The following PDE3A variants were observed in gnomAD, a reference collection of about 807,000 sequenced individuals.
The protein encoded by PDE3A is cGMP-inhibited 3',5'-cyclic phosphodiesterase 3A.
PDE3A carries 43 observed loss-of-function variants against 98.3 expected under a neutral mutation model. The observed-to-expected ratio is 0.44, with a 90% CI of 0.34 to 0.56. The LOEUF (loss-of-function observed/expected upper bound fraction) is 0.56. Ranked by LOEUF, PDE3A falls within the 20% of genes least tolerant of loss-of-function variation. The pLI is 0.01. For missense variants in PDE3A, 1,427 were observed against 1,440.7 expected (o/e 0.99, Z 0.15); for synonymous variants, 663 against 567.9 (o/e 1.17, Z -2.38).
intron 1 of PDE3A, among the ~76,000 whole-genome samples, chr12:20,512,531 A>G (rs1231838876): frequency 6.6e-6 from 1 of 152,074 alleles, no homozygotes; most frequent in African/African-American, 2.4e-5. Context: ...ATCAGGTAAA[A>G]TAGTCAACAT....
chr12:20,615,763 T>C (rs536041077), intron 3 of PDE3A, among the ~76,000 whole-genome samples: 4 of 152,278 alleles, frequency 2.6e-5, no homozygotes, highest in Admixed American at 6.5e-5. Flanking sequence ...TCTGCTCTTG[T>C]CACCCAGGCT....
At chr12:20,652,969 T>G (rs1944957106) in intron 14 of PDE3A, among the ~76,000 whole-genome samples, 1 of 152,204 alleles carries the variant, frequency 6.6e-6, no homozygotes, top group African/African-American at 2.4e-5. Flanking sequence ...ATGGGATTAA[T>G]TCATAAATCT....
chr12:20,395,461 A>C (rs1447395487), intron 1 of PDE3A, among the ~76,000 whole-genome samples: 1 of 142,126 alleles, frequency 7.0e-6, no homozygotes, highest in Non-Finnish European at 1.5e-5. Context: ...ACATAGTATT[A>C]TATATGTATA....
intron 1 of PDE3A, among the ~76,000 whole-genome samples, chr12:20,488,088 C>T (rs1006790156): frequency 6.6e-6 from 1 of 152,002 alleles, no homozygotes; most frequent in Non-Finnish European, 1.5e-5. Flanking sequence ...CACTTAAAAC[C>T]AAATAAAACA....
At chr12:20,534,144 T>C (rs1941694092) in intron 1 of PDE3A, among the ~76,000 whole-genome samples, 1 of 152,174 alleles carries the variant, frequency 6.6e-6, no homozygotes, top group African/African-American at 2.4e-5. Context: ...ACAGATACTT[T>C]AAGGGTTATG....
intron 1 of PDE3A, among the ~76,000 whole-genome samples, chr12:20,481,093 G>T (rs1945615923): frequency 6.6e-6 from 1 of 152,192 alleles, no homozygotes; most frequent in African/African-American, 2.4e-5. Flanking sequence ...CAAAAATAAT[G>T]TTGTTGTTTC....
chr12:20,554,926 C>A (rs543330093), intron 1 of PDE3A, among the ~76,000 whole-genome samples: 1 of 152,288 alleles, frequency 6.6e-6, no homozygotes, highest in Non-Finnish European at 1.5e-5. Context: ...CATTCATTTG[C>A]ATTTTTAATG....
At chr12:20,476,404 A>G (rs191248370) in intron 1 of PDE3A, among the ~76,000 whole-genome samples, 3 of 152,346 alleles carry the variant, frequency 2.0e-5, no homozygotes, top group Admixed American at 6.5e-5. Context: ...TTATGATCTT[A>G]ATAAGTAGAG....
intron 5 of PDE3A, among the ~76,000 whole-genome samples, chr12:20,627,702 CTT>C (rs1162925090): frequency 6.6e-6 from 1 of 152,038 alleles, no homozygotes; most frequent in Non-Finnish European, 1.5e-5. Context: ...TTTTTATTGA[CTT>C]TAGTTTTTAG....
At chr12:20,456,784 G>C (rs1260200591) in intron 1 of PDE3A, among the ~76,000 whole-genome samples, 1 of 152,098 alleles carries the variant, frequency 6.6e-6, no homozygotes, top group Non-Finnish European at 1.5e-5. Context: ...TTACAGAATA[G>C]CACTTGATGA....
rs888745235 is a variant in PDE3A at position 20,552,462 on chromosome 12, C to T, written c.961-4198C>T. 14 of 1,612,522 alleles carry T rather than the reference C, an allele frequency of 8.7e-6. No homozygotes were observed. In the African/African-American group the frequency reaches 1.6e-4, roughly 18 times the overall value. Reference sequence around the variant, plus strand: ...TGACCATGCAGTATCCAGAAGGCTACCTGGAAGCCCTGGCCAACCGAGAGC... The same window carrying T: ...TGACCATGCAGTATCCAGAAGGCTATCTGGAAGCCCTGGCCAACCGAGAGC... On this transcript the variant is annotated intron_variant, in intron 1 of 15. Transcript: ENST00000359062. This position sits in a 1 kb window ranked among gnomAD's most constrained non-coding sequence, Gnocchi z 5.1.
At chr12:20,573,613 T>C (rs1942855789) in intron 2 of PDE3A, among the ~76,000 whole-genome samples, 1 of 152,112 alleles carries the variant, frequency 6.6e-6, no homozygotes, top group Non-Finnish European at 1.5e-5. Flanking sequence ...GTCTCTTCTG[T>C]GCTATATTCC....
chr12:20,597,440 T>C (rs925106299), intron 2 of PDE3A, among the ~76,000 whole-genome samples: 6 of 152,220 alleles, frequency 3.9e-5, no homozygotes, highest in Admixed American at 3.3e-4. Flanking sequence ...GTATGTTTGC[T>C]ATCTGTCTTT....
chr12:20,645,875 C>A lies in PDE3A; in HGVS notation c.2252-615C>A, dbSNP rs9669286. On this transcript the variant is annotated intron_variant, in intron 10 of 15. Coordinates refer to ENST00000359062, the MANE Select transcript of PDE3A (RefSeq NM_000921.5). ...CTACATTATTATACAAGAGGCTTTT[C>A]TTTTTCTTTTTAAGTATTTCTTAGA... Among the ~76,000 whole-genome samples the A allele has an allele frequency of 5.7e-3, 869 of 152,212 alleles. 10 individuals are homozygous for A. The highest frequency in any genetic ancestry group is 0.02 in the African/African-American group (834 of 41,552).
At chr12:20,414,920 G>C (rs1339589893) in intron 1 of PDE3A, among the ~76,000 whole-genome samples, 2 of 151,912 alleles carry the variant, frequency 1.3e-5, no homozygotes, top group Non-Finnish European at 2.9e-5. Flanking sequence ...AGACCTAAAA[G>C]TATGTCAAAC....
chr12:20,582,381 A>G (rs906363175), intron 2 of PDE3A, among the ~76,000 whole-genome samples: 9 of 152,026 alleles, frequency 5.9e-5, no homozygotes, highest in African/African-American at 2.2e-4. Context: ...TTTTGTAGAG[A>G]TGGAGTTTCA....
At chr12:20,370,618 T>G (rs1943455289) in intron 1 of PDE3A, among the ~76,000 whole-genome samples, 1 of 151,948 alleles carries the variant, frequency 6.6e-6, no homozygotes, top group African/African-American at 2.4e-5. Context: ...TAGAATTAAG[T>G]TTAGATTTTA....
intron 2 of PDE3A, among the ~76,000 whole-genome samples, chr12:20,587,718 A>G (rs1592084784): frequency 6.6e-6 from 1 of 152,326 alleles, no homozygotes; most frequent in African/African-American, 2.4e-5. Flanking sequence ...TCTTAAGCCG[A>G]TGGATTCAGC....
rs61921460 is a variant in PDE3A, at chr12:20,631,068, G to A, written c.1760+941G>A. Among the ~76,000 whole-genome samples the A allele has an allele frequency of 6.7e-3, 1,018 of 152,058 alleles. 5 individuals are homozygous for A. The highest frequency in any genetic ancestry group is 0.012 in the Non-Finnish European group (790 of 67,966). ...TTCATATTTTTTACTCATAAGTTCT[G>A]TAAATTAAATGAATGTTATTTATAA... On this transcript the variant is annotated intron_variant, in intron 6 of 15. Transcript: ENST00000359062.
Sources: allele counts gnomAD v4.1 joint callset (sites outside exome capture counted in the v4.1 genomes callset), GRCh38; gene constraint gnomAD v4.1.1; non-coding constraint Gnocchi (gnomAD v3.1); transcripts MANE v1.5; gene names NCBI Gene and HGNC (gene_info 2026-07-23, HGNC 2026-07-21).